Variants in ASAP1 observed in about 807,000 individuals in gnomAD.
ASAP1 encodes ArfGAP with SH3 domain, ankyrin repeat and PH domain 1, also known as arf-GAP with SH3 domain, ANK repeat and PH domain-containing protein 1.
A neutral mutation model predicts 145.2 loss-of-function variants in ASAP1; 43 were observed. The observed-to-expected ratio is 0.30, with a 90% confidence interval of 0.23 to 0.38. The LOEUF (loss-of-function observed/expected upper bound fraction) is 0.38, where lower values mean the gene tolerates loss of function less well. ASAP1 is among the 10% of genes least tolerant of loss of function. ASAP1 has a pLI of 1.00. For missense variants in ASAP1, 1,018 were observed against 1,355.3 expected (o/e 0.75, Z 3.91); for synonymous variants, 546 against 515.5 (o/e 1.06, Z -0.80).
chr8:130,381,546 AC>A (rs1468931284), intron 2 of ASAP1, among the ~76,000 whole-genome samples: 1 of 131,568 alleles, frequency 7.6e-6, no homozygotes, highest in African/African-American at 3.4e-5. Flanking sequence ...CAGTTTGAGC[AC>A]CAAAAGAGAA....
At chr8:130,106,283 C>T (rs181416889) in intron 24 of ASAP1, among the ~76,000 whole-genome samples, 1 of 152,282 alleles carries the variant, frequency 6.6e-6, no homozygotes, top group African/African-American at 2.4e-5. Context: ...TGACTGTCTT[C>T]CCATGAGATA....
At chr8:130,218,235 T>C (rs997408042) in intron 4 of ASAP1, among the ~76,000 whole-genome samples, 7 of 152,024 alleles carry the variant, frequency 4.6e-5, no homozygotes, top group African/African-American at 1.7e-4. Context: ...TTTGGAGACC[T>C]ATGAAAAAAG....
intron 2 of ASAP1, among the ~76,000 whole-genome samples, chr8:130,366,141 T>C (rs1308797538): frequency 6.6e-6 from 1 of 152,186 alleles, no homozygotes; most frequent in African/African-American, 2.4e-5. Flanking sequence ...TTCCCAGTTA[T>C]ATTTCAAGGA....
At chr8:130,216,528 C>T (rs1470148030) in intron 4 of ASAP1, among the ~76,000 whole-genome samples, 1 of 152,182 alleles carries the variant, frequency 6.6e-6, no homozygotes, top group East Asian at 1.9e-4. Flanking sequence ...ATCACACTTT[C>T]TTGAGTGTCC....
chr8:130,149,571 G>C (rs1246752086), intron 13 of ASAP1, among the ~76,000 whole-genome samples: 1 of 152,100 alleles, frequency 6.6e-6, no homozygotes, highest in Non-Finnish European at 1.5e-5. Flanking sequence ...GCCTTCTCCT[G>C]AATCACTTTG....
intron 13 of ASAP1, 87 bp from the exon 14 acceptor site, chr8:130,137,125 T>A: frequency 1.9e-6 from 2 of 1,042,672 alleles, no homozygotes; most frequent in Non-Finnish European, 3.0e-6. Flanking sequence ...GGTATGCTGT[T>A]CATAAGGCCT....
chr8:130,220,507 C>T (rs1053106383), intron 4 of ASAP1, among the ~76,000 whole-genome samples: 5 of 152,202 alleles, frequency 3.3e-5, no homozygotes, highest in Middle Eastern at 3.4e-3. Flanking sequence ...CAAGCCACTT[C>T]GGCATAACAA....
intron 4 of ASAP1, among the ~76,000 whole-genome samples, chr8:130,215,471 C>T (rs1240776933): frequency 2.0e-5 from 3 of 151,594 alleles, no homozygotes; most frequent in Admixed American, 1.3e-4. Flanking sequence ...GGGCCGGGAG[C>T]GGTGGCTCAC....
chr8:130,191,460 T>C (rs1054331265), intron 5 of ASAP1, among the ~76,000 whole-genome samples: 1 of 152,228 alleles, frequency 6.6e-6, no homozygotes, highest in Non-Finnish European at 1.5e-5. Flanking sequence ...ATCTACTCTG[T>C]GCCACACACT....
intron 1 of ASAP1, among the ~76,000 whole-genome samples, chr8:130,424,745 G>T (rs1399282559): frequency 1.3e-5 from 2 of 152,060 alleles, no homozygotes; most frequent in African/African-American, 4.8e-5. Context: ...TGTAATCCCA[G>T]CACTTTGGTA....
At chr8:130,352,662 A>G (rs1826069264) in intron 3 of ASAP1, among the ~76,000 whole-genome samples, 1 of 152,240 alleles carries the variant, frequency 6.6e-6, no homozygotes, top group African/African-American at 2.4e-5. Flanking sequence ...ACCTAGCTGG[A>G]CAAAATACTT....
rs557055051 is a variant in ASAP1, at chr8:130,423,377, A to G, written c.-28+20083T>C. ...AATGTATACTTGCAAAATTGCTCATAGAAATACAGATTGGTAAACCTTTCT... is the reference window on the plus strand; with the variant it reads ...AATGTATACTTGCAAAATTGCTCATGGAAATACAGATTGGTAAACCTTTCT... On this transcript the variant is annotated intron_variant, in intron 1 of 29. Coordinates refer to ENST00000518721, the MANE Select transcript of ASAP1 (RefSeq NM_018482.4). Among the ~76,000 whole-genome samples the G allele has an allele frequency of 5.9e-5, 9 of 152,376 alleles. No homozygotes were observed. The South Asian group carries it at 1.9e-3, about 32-fold the overall frequency.
chr8:130,159,638 A>G lies in ASAP1; in HGVS notation c.1010+226T>C, dbSNP rs117911060. 1.9e-3 allele frequency among the ~76,000 whole-genome samples: 288 copies of G among 151,812 alleles called. 2 individuals are homozygous for G. The highest frequency in any genetic ancestry group is 3.1e-3 in the Non-Finnish European group (214 of 67,984). On this transcript the variant is annotated intron_variant, in intron 12 of 29. Coordinates refer to ENST00000518721, the MANE Select transcript of ASAP1 (RefSeq NM_018482.4). ...TGTGCTACTCAGTAGCTGCCTTCCTATAATTGCACGTTACAAGACAGAAGT... is the reference window on the plus strand; with the variant it reads ...TGTGCTACTCAGTAGCTGCCTTCCTGTAATTGCACGTTACAAGACAGAAGT...
intron 3 of ASAP1, among the ~76,000 whole-genome samples, chr8:130,295,389 A>T (rs895645144): frequency 2.6e-5 from 4 of 152,018 alleles, no homozygotes; most frequent in African/African-American, 9.7e-5. Context: ...AGGAGCCACC[A>T]ATGGAAAGAG....
chr8:130,336,821 TAAA>T (rs954881296), intron 3 of ASAP1, among the ~76,000 whole-genome samples: 5 of 152,168 alleles, frequency 3.3e-5, no homozygotes, highest in Non-Finnish European at 5.9e-5. Context: ...GCAGAAAAGC[TAAA>T]AAGATACTAA....
chr8:130,329,774 G>A (rs539879461), intron 3 of ASAP1, among the ~76,000 whole-genome samples: 3 of 152,146 alleles, frequency 2.0e-5, no homozygotes, highest in Admixed American at 6.5e-5. Flanking sequence ...CACTTATGAC[G>A]TGTTGCACTT....
chr8:130,127,836 G>A, intron 16 of ASAP1, 91 bp downstream of exon 16: 1 of 1,431,702 alleles, frequency 7.0e-7, no homozygotes, highest in Non-Finnish European at 9.5e-7. Flanking sequence ...GTGTCCATAG[G>A]GGTTAAGGTT....
intron 5 of ASAP1, chr8:130,195,402 A>G (rs1224111077): frequency 1.4e-5 from 2 of 147,470 alleles, no homozygotes; most frequent in East Asian, 2.0e-4. Flanking sequence ...AAAAAAAAAA[A>G]GATGAGCTGG....
At chr8:130,135,816 T>C (rs1452013080) in intron 14 of ASAP1, among the ~76,000 whole-genome samples, 3 of 152,234 alleles carry the variant, frequency 2.0e-5, no homozygotes, top group Non-Finnish European at 4.4e-5. Context: ...AATTTTCCTA[T>C]TTCTTTCTCA....
Sources: allele counts gnomAD v4.1 joint callset (sites outside exome capture counted in the v4.1 genomes callset), GRCh38; gene constraint gnomAD v4.1.1; transcripts MANE v1.5; gene names NCBI Gene and HGNC (gene_info 2026-07-23, HGNC 2026-07-21).